Variants in CRPPA observed in about 807,000 individuals in gnomAD.
The protein encoded by CRPPA is CDP-L-ribitol pyrophosphorylase A.
Under a neutral mutation model 52.0 loss-of-function variants are expected in CRPPA, and 43 were observed. That is an observed-to-expected ratio of 0.83 (90% confidence interval 0.65 to 1.07). The LOEUF (loss-of-function observed/expected upper bound fraction) is 1.07. CRPPA is among the 50% of genes least tolerant of loss of function. CRPPA has a pLI of 0.00. For missense variants in CRPPA, 629 were observed against 551.7 expected (o/e 1.14, Z -1.40); for synonymous variants, 250 against 203.5 (o/e 1.23, Z -1.94).
At chr7:16,400,414 C>G (rs1393771554) in intron 2 of CRPPA, among the ~76,000 whole-genome samples, 2 of 152,188 alleles carry the variant, frequency 1.3e-5, no homozygotes, top group Admixed American at 6.5e-5. Context: ...ACATGACTAA[C>G]AGGTGACTGA....
chr7:16,179,173 T>C (rs1476635568), intron 9 of CRPPA, among the ~76,000 whole-genome samples: 49 of 152,262 alleles, frequency 3.2e-4, no homozygotes, highest in Non-Finnish European at 1.5e-4. Flanking sequence ...TATCAAGTAT[T>C]TTTTGTCCTG....
intron 9 of CRPPA, among the ~76,000 whole-genome samples, chr7:16,178,863 C>T (rs1026413144): frequency 2.0e-5 from 3 of 151,946 alleles, no homozygotes; most frequent in African/African-American, 7.2e-5. Context: ...ATGTTCCTAT[C>T]CCTGTGTGAA....
chr7:16,283,396 A>G (rs899684493), intron 5 of CRPPA, among the ~76,000 whole-genome samples: 1 of 150,440 alleles, frequency 6.6e-6, no homozygotes, highest in African/African-American at 2.4e-5. Context: ...CTTCCCTTTT[A>G]TCTACCTAGA....
chr7:16,348,297 A>G (rs1158774659), intron 3 of CRPPA, among the ~76,000 whole-genome samples: 1 of 152,186 alleles, frequency 6.6e-6, no homozygotes, highest in African/African-American at 2.4e-5. Flanking sequence ...ACTCTTCAAG[A>G]GGAGAGCACA....
rs1299516232 is a variant in CRPPA, at chr7:16,376,363, A to G, written c.535-122T>C. 3 of 963,496 alleles carry G rather than the reference A, an allele frequency of 3.1e-6. No individual in the cohort carries two copies. In the African/African-American group the frequency reaches 5.0e-5, roughly 16 times the overall value. The allele number at this position is 963,496 out of a possible 1,614,324, so 59.7% of individuals were successfully genotyped here. A position where few individuals can be genotyped will look rare whatever the true frequency, so the allele number is the denominator to read the frequency against. ...ACCTTCAACAAGCTACCTTAAGAAA[A>G]CATCTGAGTAAGTGTGATTGGTTCA... On this transcript the variant is annotated intron_variant, in intron 2 of 9. Coordinates refer to ENST00000407010, the MANE Select transcript of CRPPA (RefSeq NM_001101426.4).
intron 2 of CRPPA, among the ~76,000 whole-genome samples, chr7:16,386,507 C>T (rs1787274731): frequency 6.6e-6 from 1 of 152,110 alleles, no homozygotes; most frequent in Non-Finnish European, 1.5e-5. Context: ...TATTTCCCTG[C>T]CTCCTATCTG....
chr7:16,414,350 AACACACACACACACACACACAC>A (rs3085030), intron 1 of CRPPA, among the ~76,000 whole-genome samples: 104 of 138,762 alleles, frequency 7.5e-4, no homozygotes, highest in African/African-American at 2.2e-3. Context: ...CCCCTACCCC[AACACACACACACACACACACAC>A]ACACACACAC....
chr7:16,136,379 G>A (rs929174698), intron 9 of CRPPA, among the ~76,000 whole-genome samples: 5 of 152,184 alleles, frequency 3.3e-5, no homozygotes, highest in Admixed American at 1.3e-4. Context: ...CAGTTTTGTG[G>A]ATGAGGAAAA....
chr7:16,162,387 C>T (rs1427311623), intron 9 of CRPPA, among the ~76,000 whole-genome samples: 1 of 152,140 alleles, frequency 6.6e-6, no homozygotes, highest in African/African-American at 2.4e-5. Context: ...TCTTTGCTCT[C>T]ATTGGTTTCA....
At chr7:16,381,632 CTT>C (rs1377712261) in intron 2 of CRPPA, among the ~76,000 whole-genome samples, 4 of 151,628 alleles carry the variant, frequency 2.6e-5, no homozygotes, top group East Asian at 1.9e-4. Context: ...GTCTAAGTCT[CTT>C]TGTAGGTCAC....
intron 9 of CRPPA, among the ~76,000 whole-genome samples, chr7:16,197,065 G>C (rs1257738655): frequency 1.3e-5 from 2 of 151,182 alleles, no homozygotes; most frequent in African/African-American, 4.9e-5. Context: ...AAACAGAATA[G>C]GGTAAACATG....
intron 8 of CRPPA, among the ~76,000 whole-genome samples, chr7:16,240,131 G>A (rs754638779): frequency 1.2e-4 from 18 of 150,964 alleles, no homozygotes; most frequent in African/African-American, 2.2e-4. Context: ...CAACAACACC[G>A]TCAATTCTTT....
chr7:16,327,464 G>A (rs1785435977), intron 3 of CRPPA, among the ~76,000 whole-genome samples: 1 of 151,864 alleles, frequency 6.6e-6, no homozygotes, highest in African/African-American at 2.4e-5. Context: ...GCGGTGGCGG[G>A]CGCCTGTAGT....
intron 9 of CRPPA, among the ~76,000 whole-genome samples, chr7:16,116,999 G>A (rs1782388902): frequency 6.6e-6 from 1 of 152,154 alleles, no homozygotes; most frequent in Non-Finnish European, 1.5e-5. Flanking sequence ...CATCAGCACT[G>A]AAAACCAGGC....
At chr7:16,340,925 A>G (rs761680042) in intron 3 of CRPPA, among the ~76,000 whole-genome samples, 1 of 152,146 alleles carries the variant, frequency 6.6e-6, no homozygotes, top group African/African-American at 2.4e-5. Context: ...TTTACTTCTA[A>G]AAAGAAACTA....
At chr7:16,201,836 G>A (rs1014084412) in intron 9 of CRPPA, among the ~76,000 whole-genome samples, 1 of 152,086 alleles carries the variant, frequency 6.6e-6, no homozygotes, top group Non-Finnish European at 1.5e-5. Flanking sequence ...TGACTGATTT[G>A]TTTCTTACTT....
intron 9 of CRPPA, among the ~76,000 whole-genome samples, chr7:16,122,031 A>T (rs1317868832): frequency 6.6e-6 from 1 of 152,098 alleles, no homozygotes; most frequent in South Asian, 2.1e-4. Flanking sequence ...AATACAAATA[A>T]GCAGCACATT....
chr7:16,301,857 C>A (rs1784794466), intron 4 of CRPPA, among the ~76,000 whole-genome samples: 1 of 152,124 alleles, frequency 6.6e-6, no homozygotes, highest in Non-Finnish European at 1.5e-5. Context: ...GAGTTACATT[C>A]TTAGCTGAAA....
chr7:16,396,685 A>C (rs1787581707), intron 2 of CRPPA, among the ~76,000 whole-genome samples: 1 of 152,266 alleles, frequency 6.6e-6, no homozygotes, highest in Non-Finnish European at 1.5e-5. Context: ...AATGCCCACC[A>C]GTCAATGAGT....
Sources: gnomAD v4.1 joint callset for allele counts (sites outside exome capture counted in the v4.1 genomes callset) on GRCh38, gnomAD v4.1.1 for gene constraint, MANE v1.5 for transcripts, NCBI Gene and HGNC (gene_info 2026-07-23, HGNC 2026-07-21) for gene names.